The following PCDH9 variants were observed in gnomAD, a reference collection of about 807,000 sequenced individuals.
PCDH9 encodes the protein protocadherin-9.
PCDH9 carries 24 observed loss-of-function variants against 70.6 expected under a neutral mutation model. The ratio of observed to expected loss-of-function variants is 0.34; its 90% CI spans 0.25 to 0.48. PCDH9 has a LOEUF of 0.48. Ranked by LOEUF, PCDH9 falls within the 20% of genes least tolerant of loss-of-function variation. PCDH9 has a pLI of 0.99. For missense variants in PCDH9, 1,281 were observed against 1,503.6 expected (o/e 0.85, Z 2.45); for synonymous variants, 562 against 558.5 (o/e 1.01, Z -0.09).
chr13:66,488,807 G>A (rs976932314), intron 4 of PCDH9, among the ~76,000 whole-genome samples: 10 of 152,116 alleles, frequency 6.6e-5, no homozygotes, highest in African/African-American at 2.4e-4. Flanking sequence ...AAAAGTGCTA[G>A]TAATCCATCT....
At chr13:66,750,339 C>CAAGTTTTCTCATTCTCCAAGAATGAG (rs752704536) in intron 3 of PCDH9, among the ~76,000 whole-genome samples, 277 of 152,042 alleles carry the variant, frequency 1.8e-3, no homozygotes, top group Middle Eastern at 3.4e-3. Flanking sequence ...TTTTCAAAAA[C>CAAGTTTTCTCATTCTCCAAGAATGAG]AAGTTTTCTC....
At chr13:66,723,658 C>T (rs2078970104) in intron 3 of PCDH9, among the ~76,000 whole-genome samples, 1 of 151,782 alleles carries the variant, frequency 6.6e-6, no homozygotes, top group Admixed American at 6.6e-5. Context: ...ACAAAGAGGA[C>T]AAGGAAGCAA....
intron 4 of PCDH9, among the ~76,000 whole-genome samples, chr13:66,371,628 A>T (rs1454524382): frequency 6.6e-6 from 1 of 152,038 alleles, no homozygotes; most frequent in Non-Finnish European, 1.5e-5. Context: ...TTTAATTCTT[A>T]ATGCCCATGA....
intron 4 of PCDH9, among the ~76,000 whole-genome samples, chr13:66,464,577 T>C (rs1958484308): frequency 6.6e-6 from 1 of 151,938 alleles, no homozygotes; most frequent in Admixed American, 6.6e-5. Flanking sequence ...AGCCCAACTC[T>C]ATGATGAAGG....
chr13:66,806,744 G>C (rs2080416901), intron 3 of PCDH9, among the ~76,000 whole-genome samples: 1 of 152,192 alleles, frequency 6.6e-6, no homozygotes, highest in Non-Finnish European at 1.5e-5. Flanking sequence ...CTGTGCTGTA[G>C]TTAATGAGTC....
intron 4 of PCDH9, among the ~76,000 whole-genome samples, chr13:66,453,372 G>T (rs1427002030): frequency 6.6e-6 from 1 of 152,164 alleles, no homozygotes; most frequent in African/African-American, 2.4e-5. Flanking sequence ...GACCTAGAGA[G>T]CTATTCTTCC....
chr13:66,735,422 A>G (rs2079133628), intron 3 of PCDH9, among the ~76,000 whole-genome samples: 1 of 152,206 alleles, frequency 6.6e-6, no homozygotes, highest in African/African-American at 2.4e-5. Context: ...AGGATATACC[A>G]TATCACATAC....
At chr13:66,338,872 T>A (rs1488278759) in intron 4 of PCDH9, among the ~76,000 whole-genome samples, 1 of 66,744 alleles carries the variant, frequency 1.5e-5, no homozygotes, top group African/African-American at 4.5e-5. Context: ...AGTATTCTCT[T>A]GGTAGAAGAG....
intron 3 of PCDH9, among the ~76,000 whole-genome samples, chr13:66,729,401 T>A (rs187684365): frequency 4.3e-4 from 66 of 152,272 alleles, no homozygotes; most frequent in African/African-American, 1.5e-3. Flanking sequence ...TATACTACTA[T>A]GCATGTAGTT....
chr13:66,707,985 G>A (rs1293732821), intron 3 of PCDH9, among the ~76,000 whole-genome samples: 1 of 151,992 alleles, frequency 6.6e-6, no homozygotes, highest in Non-Finnish European at 1.5e-5. Flanking sequence ...TTTAAATTCC[G>A]TTTTCTTATT....
At chr13:66,442,456 T>C (rs1255617290) in intron 4 of PCDH9, among the ~76,000 whole-genome samples, 1 of 152,112 alleles carries the variant, frequency 6.6e-6, no homozygotes, top group Non-Finnish European at 1.5e-5. Context: ...AATGATTTGT[T>C]CCTCTCCTCA....
At chr13:66,884,708 C>T (rs1011921368) in intron 3 of PCDH9, among the ~76,000 whole-genome samples, 1 of 152,012 alleles carries the variant, frequency 6.6e-6, no homozygotes, top group African/African-American at 2.4e-5. Flanking sequence ...AGAAGAGATA[C>T]CTTTGAGGAA....
In PCDH9 at chr13:67,166,556, A is replaced by T. The variant is rs77355327; in HGVS notation, c.3036+58849T>A. 6.9e-3 allele frequency among the ~76,000 whole-genome samples: 1,058 copies of T among 152,306 alleles called. 19 individuals carry two copies. Among genetic ancestry groups the T allele is most frequent in the African/African-American group, 0.024 (1,011 of 41,560 alleles). On this transcript the variant is annotated intron_variant, in intron 2 of 4. Coordinates refer to ENST00000377865, the MANE Select transcript of PCDH9 (RefSeq NM_203487.3). ...TAGTTTCAATTTGGTAACTGTTTCA[A>T]TTTGGTAACACAACATAATTGATAT... is the stretch of plus-strand genomic sequence containing the variant.
chr13:66,994,040 A>G (rs946518539), intron 2 of PCDH9, among the ~76,000 whole-genome samples: 1 of 152,206 alleles, frequency 6.6e-6, no homozygotes, highest in Admixed American at 6.5e-5. Context: ...ACACTGATGT[A>G]GCCTAGTAAT....
chr13:66,818,087 G>C (rs534723837), intron 3 of PCDH9, among the ~76,000 whole-genome samples: 4 of 152,162 alleles, frequency 2.6e-5, no homozygotes, highest in South Asian at 2.1e-4. Context: ...GTTTTAATTG[G>C]CTTTCTTCAT....
intron 4 of PCDH9, among the ~76,000 whole-genome samples, chr13:66,434,499 C>T (rs1193261120): frequency 6.6e-6 from 1 of 151,904 alleles, no homozygotes; most frequent in East Asian, 1.9e-4. Context: ...TGAAGGATAT[C>T]CCTGTTGTGT....
intron 4 of PCDH9, among the ~76,000 whole-genome samples, chr13:66,338,736 G>T (rs1956077930): frequency 6.6e-6 from 1 of 151,916 alleles, no homozygotes; most frequent in East Asian, 1.9e-4. Flanking sequence ...TGGGCTGATG[G>T]ATGTACACAT....
chr13:66,833,058 C>A (rs1028667926), intron 3 of PCDH9, among the ~76,000 whole-genome samples: 4 of 151,988 alleles, frequency 2.6e-5, no homozygotes, highest in Non-Finnish European at 5.9e-5. Context: ...TTCTCATTGT[C>A]CATATTTTAA....
chr13:66,792,253 A>C (rs957048069), intron 3 of PCDH9, among the ~76,000 whole-genome samples: 1 of 152,256 alleles, frequency 6.6e-6, no homozygotes, highest in African/African-American at 2.4e-5. Context: ...TGGATAAATT[A>C]TTCCAAGGAC....
Sources: gnomAD v4.1 joint callset for allele counts (sites outside exome capture counted in the v4.1 genomes callset) on GRCh38, gnomAD v4.1.1 for gene constraint, MANE v1.5 for transcripts, NCBI Gene and HGNC (gene_info 2026-07-23, HGNC 2026-07-21) for gene names.